Variants in DSG2 observed in about 807,000 individuals in gnomAD.
DSG2 encodes the protein desmoglein 2.
Under a neutral mutation model 75.6 loss-of-function variants are expected in DSG2, and 45 were observed. The ratio of observed to expected loss-of-function variants is 0.60; its 90% confidence interval spans 0.47 to 0.76. The LOEUF (loss-of-function observed/expected upper bound fraction) is 0.76, where lower values mean the gene tolerates loss of function less well. DSG2 is among the 30% of genes least tolerant of loss of function. The pLI is 0.00. For missense variants in DSG2, 1,267 were observed against 1,357.4 expected (o/e 0.93, Z 1.05); for synonymous variants, 429 against 483.9 (o/e 0.89, Z 1.49).
At position 31,536,420 on chromosome 18, in the gene DSG2, C is replaced by T. The variant is rs550400909; in HGVS notation, c.1642C>T (p.Arg548Cys). The T allele has an allele frequency of 1.2e-5, 20 of 1,613,352 alleles. No individual in the cohort carries two copies. Among genetic ancestry groups the T allele is most frequent in the East Asian group, 4.5e-5 (2 of 44,876 alleles). ...PGMAEKWKIARQESTSVLLQQ... is the reference protein window; with the variant it reads ...PGMAEKWKIACQESTSVLLQQ... ...CATGGCAGAAAAATGGAAAATAGCA[C>T]GCCAAGAAAGTAAGCAAAATCACTG... Residue 548 changes from arginine (R) to cysteine (C), a missense_variant, in exon 11 of 15, where the codon CGC (arginine) becomes TGC (cysteine). Arg to Cys is a radical substitution (Grantham distance 180). Coordinates refer to ENST00000261590, the MANE Select transcript of DSG2 (RefSeq NM_001943.5).
intron 1 of DSG2, among the ~76,000 whole-genome samples, chr18:31,507,736 G>A (rs2073046219): frequency 6.6e-6 from 1 of 152,164 alleles, no homozygotes; most frequent in Non-Finnish European, 1.5e-5. Flanking sequence ...TTTGAGAAGT[G>A]TCTGTTCATA....
intron 14 of DSG2, 120 bp downstream of exon 14, chr18:31,542,972 T>C: frequency 1.0e-6 from 1 of 957,562 alleles, no homozygotes; most frequent in Non-Finnish European, 1.5e-6. Context: ...TTTTTTTTTT[T>C]TCTTTTTTCA....
In DSG2 at chr18:31,547,149, T is replaced by C. The variant is rs1456663666; in HGVS notation, c.*406T>C. 1 of 341,984 alleles carries C rather than the reference T, an allele frequency of 2.9e-6. No individual in the cohort carries two copies. Among genetic ancestry groups the C allele is most frequent in the Non-Finnish European group, 5.7e-6 (1 of 176,782 alleles). 21.2% of individuals were successfully genotyped at this position (341,984 alleles called of 1,614,324 possible). A position where few individuals can be genotyped will look rare whatever the true frequency, so the allele number is the denominator to read the frequency against. On this transcript the variant is annotated 3_prime_UTR_variant, in exon 15 of 15. Coordinates refer to ENST00000261590, the MANE Select transcript of DSG2 (RefSeq NM_001943.5). ...CTACCGTATTAACATTAAACATTGA[T>C]GTTCTGTATTCTGTACTTTACTGCA...
intron 1 of DSG2, among the ~76,000 whole-genome samples, chr18:31,510,462 T>C (rs1257279783): frequency 6.6e-6 from 1 of 152,094 alleles, no homozygotes; most frequent in East Asian, 1.9e-4. Flanking sequence ...GACTCATGAG[T>C]CCTTCTGGAT....
In DSG2 at chr18:31,536,345, C is replaced by T; in HGVS notation, c.1567C>T (p.His523Tyr). The change falls in exon 11 of 15, where the codon CAC becomes TAC. Residue 523 changes from histidine (H) to tyrosine (Y), a missense_variant. Physicochemically the swap from His to Tyr is moderately conservative, Grantham distance 83. Transcript: ENST00000261590. ...TGTTACTGCAGAGGACCTGGATGGA[C>T]ACCCAAACAGTGGCCCTTTCAGTTT... ...VNVTAEDLDGHPNSGPFSFSV... is the reference protein window; with the variant it reads ...VNVTAEDLDGYPNSGPFSFSV... 2.5e-6 allele frequency: 4 copies of T among 1,614,182 alleles called. No individual in the cohort carries two copies. Among genetic ancestry groups the T allele is most frequent in the Non-Finnish European group, 3.4e-6 (4 of 1,180,032 alleles).
At chr18:31,510,300 A>G (rs568772983) in intron 1 of DSG2, among the ~76,000 whole-genome samples, 4 of 152,342 alleles carry the variant, frequency 2.6e-5, no homozygotes, top group African/African-American at 7.2e-5. Context: ...GTATTTCTCT[A>G]CATCCATTTT....
chr18:31,543,706 A>T (rs1052763214), intron 14 of DSG2, among the ~76,000 whole-genome samples: 11 of 152,212 alleles, frequency 7.2e-5, no homozygotes, highest in East Asian at 5.8e-4. Flanking sequence ...TCTCTCCAAA[A>T]ATACAAAAAA....
At chr18:31,527,189 CTATTA>C (rs1054048846) in intron 8 of DSG2, among the ~76,000 whole-genome samples, 4 of 152,166 alleles carry the variant, frequency 2.6e-5, no homozygotes, top group Admixed American at 6.5e-5. Context: ...TACACAAATA[CTATTA>C]TATTATAATT....
intron 1 of DSG2, among the ~76,000 whole-genome samples, chr18:31,499,929 C>T (rs192842331): frequency 3.4e-4 from 51 of 148,920 alleles, no homozygotes; most frequent in Middle Eastern, 3.4e-3. Flanking sequence ...TATGTATTTT[C>T]TATAAAACTT....
intron 14 of DSG2, 26 bp downstream of exon 14, chr18:31,542,878 G>A: frequency 9.3e-7 from 1 of 1,073,102 alleles, no homozygotes; most frequent in Non-Finnish European, 1.3e-6. Flanking sequence ...ATGTATTGGT[G>A]GTGGGGGGTG....
chr18:31,541,520 C>T (rs951706101), intron 13 of DSG2, among the ~76,000 whole-genome samples: 2 of 152,190 alleles, frequency 1.3e-5, no homozygotes, highest in Non-Finnish European at 2.9e-5. Context: ...TCTGTTTTGA[C>T]ACTTCCCATG....
intron 1 of DSG2, among the ~76,000 whole-genome samples, chr18:31,505,589 G>T (rs1598802601): frequency 6.6e-6 from 1 of 151,676 alleles, no homozygotes. Context: ...CTGGAATAAT[G>T]ATATGGATTT....
chr18:31,527,767 T>C (rs2704042), intron 8 of DSG2, among the ~76,000 whole-genome samples: 2 of 151,834 alleles, frequency 1.3e-5, no homozygotes, highest in Non-Finnish European at 1.5e-5. Context: ...TCATCTGGGT[T>C]GCTTATTAAC....
intron 1 of DSG2, among the ~76,000 whole-genome samples, chr18:31,513,986 A>T (rs1267667425): frequency 1.3e-5 from 2 of 152,226 alleles, no homozygotes; most frequent in Non-Finnish European, 2.9e-5. Context: ...CAAAACCGTC[A>T]AGGTCATGAG....
chr18:31,535,678 C>G (rs2073225656), intron 10 of DSG2, among the ~76,000 whole-genome samples: 1 of 151,612 alleles, frequency 6.6e-6, no homozygotes, highest in Non-Finnish European at 1.5e-5. Context: ...TCTGTAGTCC[C>G]AGCTACTCAA....
Position 31,520,056 on chromosome 18 carries a change from T to G in DSG2, c.216+119T>G, listed in dbSNP as rs1227644852. The G allele has an allele frequency of 3.4e-5, 43 of 1,272,776 alleles. No homozygotes were observed. The South Asian group carries it at 5.4e-4, about 16-fold the overall frequency. 78.8% of individuals were successfully genotyped at this position (1,272,776 alleles called of 1,614,324 possible). A position where few individuals can be genotyped will look rare whatever the true frequency, so the allele number is the denominator to read the frequency against. ...ATGATGTGCTTACAGAATTTTTAAATATTCAAGATATATCTGAAAATTAGC... is the reference window on the plus strand; with the variant it reads ...ATGATGTGCTTACAGAATTTTTAAAGATTCAAGATATATCTGAAAATTAGC... On this transcript the variant is annotated intron_variant, in intron 3 of 14. Transcript: ENST00000261590.
intron 1 of DSG2, among the ~76,000 whole-genome samples, chr18:31,504,762 C>G (rs1402563718): frequency 1.3e-5 from 2 of 152,202 alleles, no homozygotes; most frequent in Non-Finnish European, 2.9e-5. Context: ...CCGCCCTACT[C>G]AGATACTTTC....
At chr18:31,526,989 C>T (rs2073166771) in intron 8 of DSG2, among the ~76,000 whole-genome samples, 1 of 151,930 alleles carries the variant, frequency 6.6e-6, no homozygotes, top group South Asian at 2.1e-4. Flanking sequence ...CACCTAGGTA[C>T]AGTATTTACA....
chr18:31,527,841 T>C (rs1373689319), intron 8 of DSG2, among the ~76,000 whole-genome samples: 1 of 152,230 alleles, frequency 6.6e-6, no homozygotes, highest in Non-Finnish European at 1.5e-5. Flanking sequence ...AGATGCAGTG[T>C]CTGGGCAGGT....
Sources: gnomAD v4.1 joint callset for allele counts (sites outside exome capture counted in the v4.1 genomes callset) on GRCh38, gnomAD v4.1.1 for gene constraint, MANE v1.5 for transcripts, NCBI Gene and HGNC (gene_info 2026-07-23, HGNC 2026-07-21) for gene names.